KCNJ4: variants seen among roughly 807,000 people sequenced by gnomAD.
KCNJ4 encodes the protein potassium inwardly rectifying channel subfamily J member 4.
Under a neutral mutation model 25.6 loss-of-function variants are expected in KCNJ4, and 3 were observed. The ratio of observed to expected loss-of-function variants is 0.12; its 90% confidence interval spans 0.05 to 0.30. The LOEUF (loss-of-function observed/expected upper bound fraction) is 0.30. Among genes scored for constraint, KCNJ4 ranks in the 10% least tolerant of loss-of-function variants. The probability of loss-of-function intolerance (pLI) is 1.00; values close to 1 mark genes in which losing one functional copy is unlikely to be tolerated. For synonymous variants in KCNJ4, 257 were observed against 283.9 expected (o/e 0.91, Z 0.95); for missense variants, 286 against 666.8 (o/e 0.43, Z 6.29).
At chr22:38,430,230 C>T (rs1169752044) in intron 1 of KCNJ4, among the ~76,000 whole-genome samples, 4 of 152,192 alleles carry the variant, frequency 2.6e-5, no homozygotes, top group East Asian at 1.9e-4. Flanking sequence ...TGACTGGGTG[C>T]GGTGGCTCAC....
chr22:38,433,997 G>A (rs1177565542), intron 1 of KCNJ4, among the ~76,000 whole-genome samples: 1 of 152,226 alleles, frequency 6.6e-6, no homozygotes, highest in Non-Finnish European at 1.5e-5. Flanking sequence ...CCAGCTACCT[G>A]GAAGGCTTCG....
At chr22:38,430,960 C>A (rs1016963925) in intron 1 of KCNJ4, among the ~76,000 whole-genome samples, 1 of 152,238 alleles carries the variant, frequency 6.6e-6, no homozygotes, top group Non-Finnish European at 1.5e-5. Context: ...AGCTCCTCAT[C>A]CACTTCCTCC....
At chr22:38,451,536 G>A (rs1352442543) in intron 1 of KCNJ4, among the ~76,000 whole-genome samples, 1 of 152,162 alleles carries the variant, frequency 6.6e-6, no homozygotes, top group African/African-American at 2.4e-5. Flanking sequence ...TGGAGAGAAG[G>A]GAGGGAGAAA....
chr22:38,435,692 C>CG (rs1320469655), intron 1 of KCNJ4, among the ~76,000 whole-genome samples: 21 of 146,714 alleles, frequency 1.4e-4, no homozygotes, highest in Admixed American at 1.2e-3. Flanking sequence ...GACTCTGTCT[C>CG]GGGAAAAAAA....
intron 1 of KCNJ4, among the ~76,000 whole-genome samples, chr22:38,435,714 A>C (rs1043245795): frequency 6.6e-6 from 1 of 151,990 alleles, no homozygotes; most frequent in Non-Finnish European, 1.5e-5. Context: ...AAAAAAAGAA[A>C]TAGACAGAAT....
At chr22:38,448,666 G>A (rs1257531243) in intron 1 of KCNJ4, among the ~76,000 whole-genome samples, 1 of 152,220 alleles carries the variant, frequency 6.6e-6, no homozygotes, top group Non-Finnish European at 1.5e-5. Context: ...TCAGGACACA[G>A]AGGAGTCAGG....
chr22:38,432,743 C>T (rs1270968817), intron 1 of KCNJ4, among the ~76,000 whole-genome samples: 1 of 151,940 alleles, frequency 6.6e-6, no homozygotes, highest in African/African-American at 2.4e-5. Flanking sequence ...CAGAGGCAGG[C>T]GGATCTCTTG....
At chr22:38,434,628 T>G (rs527716328) in intron 1 of KCNJ4, among the ~76,000 whole-genome samples, 12 of 152,154 alleles carry the variant, frequency 7.9e-5, no homozygotes, top group Admixed American at 2.0e-4. Flanking sequence ...TCCTGCCACA[T>G]CACCCTGCTC....
intron 1 of KCNJ4, among the ~76,000 whole-genome samples, chr22:38,446,044 G>A (rs528890449): frequency 1.3e-5 from 2 of 152,278 alleles, no homozygotes; most frequent in South Asian, 2.1e-4. Context: ...TTTTTTCCCC[G>A]GGTCTTTTAA....
intron 1 of KCNJ4, among the ~76,000 whole-genome samples, chr22:38,453,525 C>T (rs1013106694): frequency 6.6e-6 from 1 of 152,198 alleles, no homozygotes; most frequent in African/African-American, 2.4e-5. Context: ...CCTCCACCCA[C>T]TAGCTGTTCA....
intron 1 of KCNJ4, among the ~76,000 whole-genome samples, chr22:38,451,941 C>T (rs972871452): frequency 2.0e-5 from 3 of 152,236 alleles, no homozygotes; most frequent in African/African-American, 7.2e-5. Flanking sequence ...CCTGTCCAAC[C>T]CCTGCCCAGC....
At chr22:38,448,534 C>T (rs527331768) in intron 1 of KCNJ4, among the ~76,000 whole-genome samples, 3 of 152,258 alleles carry the variant, frequency 2.0e-5, no homozygotes, top group Admixed American at 6.5e-5. Flanking sequence ...CCCCTCGCTC[C>T]GATCTGGGGA....
In KCNJ4 at chr22:38,443,779, C is replaced by T. The variant is rs1438938946; in HGVS notation, c.-40+11201G>A. On this transcript the variant is annotated intron_variant, in intron 1 of 1. Coordinates refer to ENST00000303592, the MANE Select transcript of KCNJ4 (RefSeq NM_152868.3). The surrounding 1 kb of genome is among the most constrained non-coding windows in gnomAD (Gnocchi z 4.1). ...CACTATTGCAGCCCACAGTCTCTGC[C>T]CACCACCTCCTCCCACAGCCTCCAC... Among the ~76,000 whole-genome samples the T allele has an allele frequency of 1.3e-5, 2 of 152,114 alleles. No individual in the cohort carries two copies. Among genetic ancestry groups the T allele is most frequent in the African/African-American group, 2.4e-5 (1 of 41,424 alleles).
At position 38,428,100 on chromosome 22, in the gene KCNJ4, G is replaced by A. The variant is rs138417596; in HGVS notation, c.33C>T (p.His11=). The A allele has an allele frequency of 3.7e-5, 60 of 1,613,228 alleles. No homozygotes were observed. Among genetic ancestry groups the A allele is most frequent in the African/African-American group, 5.3e-5 (4 of 74,942 alleles). MHGHSRNGQA[H]VPRRKRRNRF... is the part of the protein sequence containing the mutation. ...GGTTGCGGCGCTTCCGCCGGGGCAC[G>A]TGGGCCTGGCCGTTGCGGCTGTGTC... Residue 11 remains histidine (H), a synonymous_variant, in exon 2 of 2, where the codon CAC becomes CAT. Transcript: ENST00000303592.
intron 1 of KCNJ4, among the ~76,000 whole-genome samples, chr22:38,428,598 G>T (rs1244040580): frequency 6.6e-6 from 1 of 152,096 alleles, no homozygotes; most frequent in East Asian, 1.9e-4. Context: ...CTGCACTTTT[G>T]GGCTTCTCGG....
rs1463365791 is a variant in KCNJ4, at chr22:38,440,093, G to A, written c.-39-11922C>T. Among the ~76,000 whole-genome samples the A allele has an allele frequency of 4.6e-5, 6 of 131,012 alleles. 1 individual carries two copies. Among genetic ancestry groups the A allele is most frequent in the South Asian group, 4.8e-4 (2 of 4,158 alleles). 85.9% of individuals were successfully genotyped at this position (131,012 alleles called of 152,430 possible). A position where few individuals can be genotyped will look rare whatever the true frequency, so the allele number is the denominator to read the frequency against. ...AGCCTGGGTGACAGAGCGAGACTTCGTCTCAAAAAAAAAAAAAAGAAATAC... is the reference window on the plus strand; with the variant it reads ...AGCCTGGGTGACAGAGCGAGACTTCATCTCAAAAAAAAAAAAAAGAAATAC... On this transcript the variant is annotated intron_variant, in intron 1 of 1. Coordinates refer to ENST00000303592, the MANE Select transcript of KCNJ4 (RefSeq NM_152868.3).
At chr22:38,445,245 C>T (rs1241065094) in intron 1 of KCNJ4, among the ~76,000 whole-genome samples, 2 of 151,948 alleles carry the variant, frequency 1.3e-5, no homozygotes. Context: ...AGCATGGGTG[C>T]CTGGACCTGG....
At chr22:38,435,695 GAA>G (rs768666777) in intron 1 of KCNJ4, among the ~76,000 whole-genome samples, 10 of 134,470 alleles carry the variant, frequency 7.4e-5, no homozygotes, top group Non-Finnish European at 8.1e-5. Context: ...TCTGTCTCGG[GAA>G]AAAAAAAAAA....
intron 1 of KCNJ4, among the ~76,000 whole-genome samples, chr22:38,442,647 C>T (rs2089344484): frequency 6.6e-6 from 1 of 152,074 alleles, no homozygotes; most frequent in African/African-American, 2.4e-5. Context: ...TGAGTCACAT[C>T]TGTAAAATGG....
Sources: gnomAD v4.1 joint callset for allele counts (sites outside exome capture counted in the v4.1 genomes callset) on GRCh38, gnomAD v4.1.1 for gene constraint, Gnocchi (gnomAD v3.1) non-coding constraint, MANE v1.5 for transcripts, NCBI Gene and HGNC (gene_info 2026-07-23, HGNC 2026-07-21) for gene names.